Variants in CDKN3 observed in about 807,000 individuals in gnomAD.
The protein encoded by CDKN3 is cyclin-dependent kinase inhibitor 3.
In CDKN3, 19 loss-of-function variants were observed where a neutral mutation model predicts 36.1. That is an observed-to-expected ratio of 0.53 (90% confidence interval 0.37 to 0.77). CDKN3 has a LOEUF of 0.77. CDKN3 is among the 30% of genes least tolerant of loss of function. The probability of loss-of-function intolerance (pLI) is 0.00; values close to 1 mark genes in which losing one functional copy is unlikely to be tolerated. For missense variants in CDKN3, 188 were observed against 248.6 expected, an observed-to-expected ratio of 0.76 and a Z score of 1.64; for synonymous variants, 71 against 85.3, an observed-to-expected ratio of 0.83 and a Z score of 0.92.
At chr14:54,398,468 G>A (rs944280276) in intron 1 of CDKN3, among the ~76,000 whole-genome samples, 1 of 152,184 alleles carries the variant, frequency 6.6e-6, no homozygotes, top group African/African-American at 2.4e-5. Context: ...GCCCCAGACT[G>A]TCCATGGCCA....
In CDKN3 at chr14:54,418,985, C is replaced by T. The variant is rs73254745; in HGVS notation, c.553-1007C>T. On this transcript the variant is annotated intron_variant, in intron 7 of 7. Coordinates refer to ENST00000335183, the MANE Select transcript of CDKN3 (RefSeq NM_005192.4). ...ACCAGCCTGGCCAACATAACGAAAC[C>T]TTGTCCCTACTAAAAATACAAAAAT... is the stretch of plus-strand genomic sequence containing the variant. Among the ~76,000 whole-genome samples, 284 of 152,168 alleles carry T rather than the reference C, an allele frequency of 1.9e-3. 2 individuals are homozygous for T. The highest frequency in any genetic ancestry group is 6.4e-3 in the African/African-American group (264 of 41,522).
chr14:54,401,652 T>C, intron 3 of CDKN3, 73 bp downstream of exon 3: 1 of 1,086,280 alleles, frequency 9.2e-7, no homozygotes. Context: ...CAGTAGCTTT[T>C]GGGGGGACAG....
In CDKN3 at chr14:54,399,521, C is replaced by T. The variant is rs4251605; in HGVS notation, c.10-373C>T. 6.2e-3 allele frequency among the ~76,000 whole-genome samples: 947 copies of T among 152,294 alleles called. 6 individuals carry two copies. The highest frequency in any genetic ancestry group is 0.022 in the African/African-American group (900 of 41,554). On this transcript the variant is annotated intron_variant, in intron 1 of 7. Transcript: ENST00000335183. ...TTATAGATCTTTTGCATCTCCAGTG[C>T]TTGGCAAATGAAGGTGGCCAAGAAA...
chr14:54,416,240 T>G (rs2030543381), intron 6 of CDKN3, among the ~76,000 whole-genome samples: 1 of 152,184 alleles, frequency 6.6e-6, no homozygotes, highest in Non-Finnish European at 1.5e-5. Flanking sequence ...TTCCAAATAG[T>G]TTCCATGGGT....
At chr14:54,417,712 A>G in intron 6 of CDKN3, 136 bp from the exon 7 acceptor site, 1 of 517,462 alleles carries the variant, frequency 1.9e-6, no homozygotes, top group East Asian at 3.3e-5. Context: ...ACACACACTA[A>G]AAGTCTCAGT....
chr14:54,420,095 T>TA lies in CDKN3; in HGVS notation c.*18dup, dbSNP rs773889564. The stretch of plus-strand genomic sequence containing the variant: ...TCAAGATAAAGGAATTCAAATAGCA[T>TA]ATATATGACCATGTCTGAAATGTCA... On this transcript the variant is annotated 3_prime_UTR_variant, in exon 8 of 8. Coordinates refer to ENST00000335183, the MANE Select transcript of CDKN3 (RefSeq NM_005192.4). The TA allele has an allele frequency of 1.6e-5, 22 of 1,375,692 alleles. No homozygotes were observed. In the Admixed American group the frequency reaches 3.4e-4, roughly 21 times the overall value. 85.2% of individuals were successfully genotyped at this position (1,375,692 alleles called of 1,614,324 possible). A position where few individuals can be genotyped will look rare whatever the true frequency, so the allele number is the denominator to read the frequency against.
intron 1 of CDKN3, among the ~76,000 whole-genome samples, chr14:54,398,348 G>A (rs1374449891): frequency 6.6e-6 from 1 of 152,154 alleles, no homozygotes; most frequent in Non-Finnish European, 1.5e-5. Flanking sequence ...TGATCCCCGA[G>A]TTTGGAAGGA....
At chr14:54,413,537 G>T (rs961523710) in intron 5 of CDKN3, 3 of 1,109,084 alleles carry the variant, frequency 2.7e-6, no homozygotes, top group Non-Finnish European at 4.0e-6. Context: ...GGGTGACTTT[G>T]CATATGCTGA....
intron 6 of CDKN3, 32 bp downstream of exon 6, chr14:54,415,962 C>A: frequency 6.8e-7 from 1 of 1,471,548 alleles, no homozygotes; most frequent in Non-Finnish European, 9.5e-7. Context: ...TTTTTTTAAC[C>A]GCCAAATAGA....
chr14:54,411,023 A>T (rs1312915201), intron 4 of CDKN3, among the ~76,000 whole-genome samples: 2 of 152,042 alleles, frequency 1.3e-5, no homozygotes, highest in Non-Finnish European at 2.9e-5. Flanking sequence ...TACTAAAAAT[A>T]CAAAATTAGC....
At chr14:54,417,762 T>C in intron 6 of CDKN3, 86 bp from the exon 7 acceptor site, 2 of 662,268 alleles carry the variant, frequency 3.0e-6, no homozygotes, top group Non-Finnish European at 5.2e-6. Flanking sequence ...GTCTTCTGTA[T>C]CAACAGAAGT....
At chr14:54,413,047 A>G (rs1468916785) in intron 5 of CDKN3, among the ~76,000 whole-genome samples, 2 of 152,230 alleles carry the variant, frequency 1.3e-5, no homozygotes, top group African/African-American at 4.8e-5. Flanking sequence ...ACCAACTAGT[A>G]CGAGGGTCTT....
Position 54,408,766 on chromosome 14 carries a change from G to C in CDKN3, c.170G>C (p.Arg57Thr). 1 of 1,575,102 alleles carries C rather than the reference G, an allele frequency of 6.3e-7. No individual in the cohort carries two copies. Among genetic ancestry groups the C allele is most frequent in the Non-Finnish European group, 8.6e-7 (1 of 1,166,320 alleles). The stretch of plus-strand genomic sequence containing the variant: ...ATAGGTTGTAAATTTAAAGATGTTA[G>C]AAGAAATGTCCAAAAAGATACAGGT... Reference protein sequence around the residue: ...ALPGCKFKDVRRNVQKDTEEL... With the variant: ...ALPGCKFKDVTRNVQKDTEEL... The change falls in exon 4 of 8, where the codon AGA becomes ACA. Residue 57 changes from arginine to threonine, a missense_variant. Physicochemically the swap from Arg to Thr is moderately conservative, Grantham distance 71. Coordinates refer to ENST00000335183, the MANE Select transcript of CDKN3 (RefSeq NM_005192.4).
chr14:54,412,026 A>T (rs2030374985), intron 5 of CDKN3, among the ~76,000 whole-genome samples: 2 of 152,094 alleles, frequency 1.3e-5, no homozygotes, highest in Admixed American at 1.3e-4. Context: ...CTTTCCCCTC[A>T]TCACCATCAC....
intron 3 of CDKN3, among the ~76,000 whole-genome samples, chr14:54,407,510 G>A (rs974257152): frequency 6.6e-6 from 1 of 152,222 alleles, no homozygotes; most frequent in African/African-American, 2.4e-5. Context: ...CCCCTGACTG[G>A]AACTGCTGCC....
chr14:54,416,268 A>G (rs1164410597), intron 6 of CDKN3, among the ~76,000 whole-genome samples: 1 of 152,218 alleles, frequency 6.6e-6, no homozygotes, highest in Non-Finnish European at 1.5e-5. Context: ...TATGAATACC[A>G]AAGTTAATTA....
chr14:54,404,679 A>G (rs1220605278), intron 3 of CDKN3, among the ~76,000 whole-genome samples: 1 of 151,848 alleles, frequency 6.6e-6, no homozygotes, highest in Non-Finnish European at 1.5e-5. Context: ...GGTTCATGCC[A>G]TTCTCCTGCG....
At chr14:54,413,730 A>C (rs1489620319) in intron 5 of CDKN3, 24 of 1,529,298 alleles carry the variant, frequency 1.6e-5, no homozygotes, top group Non-Finnish European at 2.0e-5. Context: ...AACCTTTTTC[A>C]CTGACCTGTT....
intron 2 of CDKN3, 55 bp downstream of exon 2, chr14:54,400,031 T>C: frequency 1.2e-6 from 1 of 856,542 alleles, no homozygotes; most frequent in Non-Finnish European, 2.0e-6. Context: ...ACATCATAAA[T>C]GTAAATTTAG....
Sources: allele counts gnomAD v4.1 joint callset (sites outside exome capture counted in the v4.1 genomes callset), GRCh38; gene constraint gnomAD v4.1.1; transcripts MANE v1.5; gene names NCBI Gene and HGNC (gene_info 2026-07-23, HGNC 2026-07-21).